The following NRN1L variants were observed in gnomAD, a reference collection of about 807,000 sequenced individuals.
NRN1L encodes neuritin-like protein.
In NRN1L, 12 loss-of-function variants were observed where a neutral mutation model predicts 8.8. That is an observed-to-expected ratio of 1.36 (90% CI 0.87 to 2.20). The LOEUF is 2.20. NRN1L is among the 30% of genes most tolerant of loss of function. The pLI is 0.00. For missense variants in NRN1L, 266 were observed against 232.4 expected (o/e 1.14, Z -0.94); for synonymous variants, 114 against 99.2 (o/e 1.15, Z -0.88).
Position 67,885,992 on chromosome 16 carries a change from T to C in NRN1L, c.231T>C (p.His77=), listed in dbSNP as rs1431501342. ...ETICRSWNDF[H]ACASQVLSGC... ...TTAACAGGTCTTGGAATGACTTCCATGCCTGTGCCTCTCAGGTCCTGTCAG... is the reference window on the plus strand; with the variant it reads ...TTAACAGGTCTTGGAATGACTTCCACGCCTGTGCCTCTCAGGTCCTGTCAG... Residue 77 remains histidine (H), a synonymous_variant, in exon 3 of 3, where the codon CAT becomes CAC. Transcript: ENST00000339176. 6 of 1,614,176 alleles carry C rather than the reference T, an allele frequency of 3.7e-6. No homozygotes were observed. The highest frequency in any genetic ancestry group is 3.3e-5 in the South Asian group (3 of 91,084).
chr16:67,885,313 A>G (rs56358136), intron 1 of NRN1L: 11,695 of 510,310 alleles, frequency 0.023, 853 homozygotes, highest in African/African-American at 0.18. Context: ...CTCCAAAAAT[A>G]TTTATCTTTA....
downstream of NRN1L, chr16:67,888,831 A>G (rs1238454558): frequency 3.3e-5 from 5 of 152,320 alleles, no homozygotes; most frequent in Admixed American, 3.3e-4. Flanking sequence ...ATATTTGTTA[A>G]TTAATGCGCT....
Position 67,886,304 on chromosome 16 carries a change from G to A in NRN1L, c.*45G>A. On this transcript the variant is annotated 3_prime_UTR_variant, in exon 3 of 3. Coordinates refer to ENST00000339176, the MANE Select transcript of NRN1L (RefSeq NM_198443.2). The stretch of plus-strand genomic sequence containing the variant: ...GCGCCCGTACCTCCAGCCCTGCTCT[G>A]GCGGTGGTTGTCCAGGCTCTGCAGA... The A allele has an allele frequency of 2.7e-6, 4 of 1,495,168 alleles. No homozygotes were observed. The highest frequency in any genetic ancestry group is 2.7e-6 in the Non-Finnish European group (3 of 1,119,900). 92.6% of individuals were successfully genotyped at this position (1,495,168 alleles called of 1,614,324 possible). A position where few individuals can be genotyped will look rare whatever the true frequency, so the allele number is the denominator to read the frequency against.
downstream of NRN1L, among the ~76,000 whole-genome samples, chr16:67,886,526 C>T (rs537341840): frequency 3.9e-5 from 6 of 152,294 alleles, no homozygotes; most frequent in South Asian, 2.1e-4. Flanking sequence ...CCAGTGGCAG[C>T]GCAAAGCTTT....
chr16:67,885,350 C>A, intron 1 of NRN1L: 2 of 478,366 alleles, frequency 4.2e-6, no homozygotes, highest in South Asian at 5.2e-5. Flanking sequence ...CCAAGCAAAG[C>A]TTGTCTAAAC....
chr16:67,885,755 G>T lies in NRN1L; in HGVS notation c.113G>T (p.Gly38Val). 1.2e-6 allele frequency: 2 copies of T among 1,608,552 alleles called. No individual in the cohort carries two copies. Among genetic ancestry groups the T allele is most frequent in the Non-Finnish European group, 8.5e-7 (1 of 1,177,540 alleles). ...CCTCCCCTGGCAGCAGCTGCAGCGG[G>T]CCCAAACCGATGTGACACCATATAC... ...LLPPLAAAAA[G>V]PNRCDTIYQG... The change falls in exon 2 of 3, where the codon GGC becomes GTC. Residue 38 changes from glycine (G) to valine (V), a missense_variant. By Grantham distance (109) the Gly-to-Val change is moderately radical. Coordinates refer to ENST00000339176, the MANE Select transcript of NRN1L (RefSeq NM_198443.2).
chr16:67,885,470 G>A (rs552579901), intron 1 of NRN1L: 44 of 499,086 alleles, frequency 8.8e-5, no homozygotes, highest in South Asian at 2.3e-4. Flanking sequence ...GGCCCCAGAA[G>A]CTCAAAGGAA....
downstream of NRN1L, chr16:67,886,418 A>G (rs957906208): frequency 7.1e-6 from 5 of 702,516 alleles, no homozygotes; most frequent in Non-Finnish European, 1.2e-5. Context: ...GGCTGGGGCC[A>G]GGGACTCCTA....
chr16:67,885,467 G>C, intron 1 of NRN1L: 1 of 496,622 alleles, frequency 2.0e-6, no homozygotes, highest in Non-Finnish European at 3.5e-6. Flanking sequence ...TGCGGCCCCA[G>C]AAGCTCAAAG....
Position 67,884,948 on chromosome 16 carries a change from C to G in NRN1L, c.45C>G (p.Pro15=). The change falls in exon 1 of 3, where the codon CCC becomes CCG. Residue 15 remains proline (P), a synonymous_variant. Coordinates refer to ENST00000339176, the MANE Select transcript of NRN1L (RefSeq NM_198443.2). This position sits in a 1 kb window ranked among gnomAD's most constrained non-coding sequence, Gnocchi z 4.1. ...CRRRCCCRQP[P]HALRPLLLLP... is the part of the protein sequence containing the mutation. ...GCCGCTGCTGCTGCCGGCAACCACC[C>G]CATGCCCTGAGGCCGTTGCTGTTGC... 1 of 1,608,198 alleles carries G rather than the reference C, an allele frequency of 6.2e-7. No homozygotes were observed. Among genetic ancestry groups the G allele is most frequent in the Non-Finnish European group, 8.5e-7 (1 of 1,179,808 alleles).
chr16:67,885,042 G>C, intron 1 of NRN1L, 60 bp downstream of exon 1: 2 of 1,452,846 alleles, frequency 1.4e-6, no homozygotes, highest in South Asian at 1.1e-5. Context: ...AAGCCAGGCT[G>C]GGCATAGGGT....
chr16:67,885,693 T>TC (rs1264749881), intron 1 of NRN1L, 29 bp from the exon 2 acceptor site: 72 of 1,257,528 alleles, frequency 5.7e-5, no homozygotes, highest in East Asian at 7.8e-5. Flanking sequence ...TACCATTCCT[T>TC]CCCCACCCCA....
At chr16:67,887,752 T>A (rs537358877), downstream of NRN1L, among the ~76,000 whole-genome samples, 472 of 152,160 alleles carry the variant, frequency 3.1e-3, 5 homozygotes, top group African/African-American at 0.011. Context: ...CTGGCTAATT[T>A]TTTTTGTATT....
Position 67,886,347 on chromosome 16 carries a change from A to C in NRN1L, c.*88A>C. ...TCTGCAGAGCGCAGCAGGGCTTTTCATTAAAGGTATTTATATTTGTAGTAA... is the reference window on the plus strand; with the variant it reads ...TCTGCAGAGCGCAGCAGGGCTTTTCCTTAAAGGTATTTATATTTGTAGTAA... On this transcript the variant is annotated 3_prime_UTR_variant, in exon 3 of 3. Coordinates refer to ENST00000339176, the MANE Select transcript of NRN1L (RefSeq NM_198443.2). The C allele has an allele frequency of 8.6e-7, 1 of 1,164,524 alleles. No homozygotes were observed. Among genetic ancestry groups the C allele is most frequent in the Non-Finnish European group, 1.2e-6 (1 of 850,406 alleles). The allele number at this position is 1,164,524 out of a possible 1,614,324, so 72.1% of individuals were successfully genotyped here.
chr16:67,885,693 T>TGCCCCCC, intron 1 of NRN1L, 29 bp from the exon 2 acceptor site: 24 of 1,257,200 alleles, frequency 1.9e-5, no homozygotes, highest in Admixed American at 2.4e-5. Flanking sequence ...TACCATTCCT[T>TGCCCCCC]CCCCACCCCA....
Position 67,886,249 on chromosome 16 carries a change from C to G in NRN1L, c.488C>G (p.Pro163Arg). ...AALALAYLLR[P>R]LA ...CTGGCTCTGGCCTACCTCCTGAGGC[C>G]TCTGGCCTAGCTTGTTGGGTTGGGT... is the stretch of plus-strand genomic sequence containing the variant. The change falls in exon 3 of 3, where the codon CCT (proline) becomes CGT (arginine). Residue 163 changes from proline (P) to arginine (R), a missense_variant. Pro to Arg is a moderately radical substitution (Grantham distance 103). Coordinates refer to ENST00000339176, the MANE Select transcript of NRN1L (RefSeq NM_198443.2). 1 of 1,591,302 alleles carries G rather than the reference C, an allele frequency of 6.3e-7. No homozygotes were observed. The highest frequency in any genetic ancestry group is 8.5e-7 in the Non-Finnish European group (1 of 1,175,234).
rs12447425 is a variant in NRN1L at position 67,885,632 on chromosome 16, C to T, written c.80-90C>T. 9.0e-3 allele frequency: 9,344 copies of T among 1,039,996 alleles called. 67 individuals are homozygous for T. Among genetic ancestry groups the T allele is most frequent in the Non-Finnish European group, 0.011 (8,258 of 719,870 alleles). The allele number at this position is 1,039,996 out of a possible 1,614,324, so 64.4% of individuals were successfully genotyped here. A position where few individuals can be genotyped will look rare whatever the true frequency, so the allele number is the denominator to read the frequency against. ...GCTGAGTCACATCCCCAGAGTGCTCCCAGGTAAACAAGCCCCTGGGGGCTG... is the reference window on the plus strand; with the variant it reads ...GCTGAGTCACATCCCCAGAGTGCTCTCAGGTAAACAAGCCCCTGGGGGCTG... On this transcript the variant is annotated intron_variant, in intron 1 of 2. Coordinates refer to ENST00000339176, the MANE Select transcript of NRN1L (RefSeq NM_198443.2).
Position 67,885,713 on chromosome 16 carries a change from C to CCCCAG in NRN1L, c.80-9_80-8insCCCAG. 6.6e-7 allele frequency: 1 copy of CCCCAG among 1,509,818 alleles called. No individual in the cohort carries two copies. The highest frequency in any genetic ancestry group is 9.1e-7 in the Non-Finnish European group (1 of 1,104,186). The allele number at this position is 1,509,818 out of a possible 1,614,324, so 93.5% of individuals were successfully genotyped here. A position where few individuals can be genotyped will look rare whatever the true frequency, so the allele number is the denominator to read the frequency against. ...TTCCTTCCCCACCCCACCCCCGCCC[C>CCCCAG]ACTTCTAGTCCTTTTACCTCCCCTG... On this transcript the variant is annotated splice_polypyrimidine_tract_variant and intron_variant, in intron 1 of 2. Coordinates refer to ENST00000339176, the MANE Select transcript of NRN1L (RefSeq NM_198443.2).
chr16:67,884,953 C>G lies in NRN1L; in HGVS notation c.50C>G (p.Ala17Gly). Residue 17 changes from alanine to glycine, a missense_variant, in exon 1 of 3, where the codon GCC becomes GGC. By Grantham distance (60) the Ala-to-Gly change is moderately conservative. Coordinates refer to ENST00000339176, the MANE Select transcript of NRN1L (RefSeq NM_198443.2). The surrounding 1 kb of genome is among the most constrained non-coding windows in gnomAD (Gnocchi z 4.1). ...RRCCCRQPPH[A>G]LRPLLLLPLV... The stretch of plus-strand genomic sequence containing the variant: ...TGCTGCTGCCGGCAACCACCCCATG[C>G]CCTGAGGCCGTTGCTGTTGCTGCCC... 6.2e-7 allele frequency: 1 copy of G among 1,608,216 alleles called. No homozygotes were observed.
Sources: allele counts gnomAD v4.1 joint callset (sites outside exome capture counted in the v4.1 genomes callset), GRCh38; gene constraint gnomAD v4.1.1; non-coding constraint Gnocchi (gnomAD v3.1); transcripts MANE v1.5; gene names NCBI Gene and HGNC (gene_info 2026-07-23, HGNC 2026-07-21).